The following ATP9B variants were observed in gnomAD, a reference collection of about 807,000 sequenced individuals.
The protein encoded by ATP9B is probable phospholipid-transporting ATPase IIB.
A neutral mutation model predicts 146.1 loss-of-function variants in ATP9B; 110 were observed. The observed-to-expected ratio is 0.75, with a 90% CI of 0.65 to 0.88. The LOEUF (loss-of-function observed/expected upper bound fraction) is 0.88. Ranked by LOEUF, ATP9B falls within the 40% of genes least tolerant of loss-of-function variation. The probability of loss-of-function intolerance (pLI) is 0.00; values close to 1 mark genes in which losing one functional copy is unlikely to be tolerated. For synonymous variants in ATP9B, 604 were observed against 569.7 expected (o/e 1.06, Z -0.86); for missense variants, 1,499 against 1,496.4 (o/e 1.00, Z -0.03).
At chr18:79,131,160 C>G (rs74620001) in intron 5 of ATP9B, among the ~76,000 whole-genome samples, 2 of 143,436 alleles carry the variant, frequency 1.4e-5, no homozygotes, top group African/African-American at 5.1e-5. Context: ...GACTCCGTCT[C>G]AAAAAAAAAA....
chr18:79,086,149 G>C (rs2073803072), intron 1 of ATP9B: 1 of 151,874 alleles, frequency 6.6e-6, no homozygotes, highest in African/African-American at 2.4e-5. Context: ...CCTTTAAAAG[G>C]CATCCGTAGG....
chr18:79,142,641 C>T (rs1388938567), intron 5 of ATP9B, among the ~76,000 whole-genome samples: 2 of 152,170 alleles, frequency 1.3e-5, no homozygotes, highest in Non-Finnish European at 2.9e-5. Context: ...GATTTTAAAG[C>T]TCAGTTAAGA....
intron 25 of ATP9B, among the ~76,000 whole-genome samples, chr18:79,349,470 C>T (rs918676135): frequency 4.6e-5 from 7 of 152,210 alleles, no homozygotes; most frequent in Non-Finnish European, 1.0e-4. Flanking sequence ...GGTGCTGCTC[C>T]TCACCGTCAC....
At chr18:79,245,769 C>T (rs1458115323) in intron 11 of ATP9B, among the ~76,000 whole-genome samples, 1 of 145,972 alleles carries the variant, frequency 6.9e-6, no homozygotes. Flanking sequence ...CACCGCCCTA[C>T]TGACTGAGGA....
intron 6 of ATP9B, among the ~76,000 whole-genome samples, chr18:79,153,260 A>C (rs529784475): frequency 2.6e-5 from 4 of 152,204 alleles, no homozygotes; most frequent in Admixed American, 2.6e-4. Flanking sequence ...ACAATTATAT[A>C]TTTTTTCTTT....
chr18:79,194,719 A>T (rs991269683), intron 9 of ATP9B: 31 of 152,222 alleles, frequency 2.0e-4, no homozygotes, highest in Admixed American at 8.5e-4. Flanking sequence ...AGAGAGTTTA[A>T]TCTGTAGCTC....
chr18:79,247,800 C>T (rs1400834844), intron 11 of ATP9B, among the ~76,000 whole-genome samples: 1 of 152,056 alleles, frequency 6.6e-6, no homozygotes, highest in Admixed American at 6.6e-5. Flanking sequence ...CAAGGGAAAA[C>T]ATTTTATATA....
intron 1 of ATP9B, among the ~76,000 whole-genome samples, chr18:79,070,212 T>C (rs1347252799): frequency 6.6e-6 from 1 of 152,244 alleles, no homozygotes; most frequent in Non-Finnish European, 1.5e-5. Context: ...TTAAAAAGTG[T>C]TGCTTCTTAT....
At chr18:79,213,102 T>C (rs1389457187) in intron 10 of ATP9B, among the ~76,000 whole-genome samples, 1 of 152,180 alleles carries the variant, frequency 6.6e-6, no homozygotes, top group African/African-American at 2.4e-5. Context: ...TAATGTGACA[T>C]CAGAGTTTTC....
At chr18:79,286,063 C>T (rs1378680628) in intron 13 of ATP9B, among the ~76,000 whole-genome samples, 1 of 151,528 alleles carries the variant, frequency 6.6e-6, no homozygotes, top group African/African-American at 2.4e-5. Context: ...ATGCCTCCAG[C>T]TTTGTTCTTT....
At chr18:79,290,731 G>T (rs958729041) in intron 13 of ATP9B, among the ~76,000 whole-genome samples, 1 of 152,242 alleles carries the variant, frequency 6.6e-6, no homozygotes, top group Non-Finnish European at 1.5e-5. Context: ...GCTGTAGACT[G>T]GAGCTGTTCC....
At chr18:79,309,581 G>C (rs1219677248) in intron 15 of ATP9B, among the ~76,000 whole-genome samples, 15 of 135,998 alleles carry the variant, frequency 1.1e-4, no homozygotes, top group East Asian at 2.3e-4. Context: ...GGGCTGAGGA[G>C]TGATCCCCAG....
chr18:79,133,438 A>G (rs1050678168), intron 5 of ATP9B, among the ~76,000 whole-genome samples: 1 of 151,822 alleles, frequency 6.6e-6, no homozygotes, highest in Admixed American at 6.6e-5. Flanking sequence ...ATTTTTTATT[A>G]TTAGTTCTCT....
At chr18:79,278,428 C>T (rs1237701936) in intron 13 of ATP9B, among the ~76,000 whole-genome samples, 1 of 152,152 alleles carries the variant, frequency 6.6e-6, no homozygotes, top group East Asian at 1.9e-4. Context: ...TTTGTGTTAG[C>T]TGATTTTGCC....
At chr18:79,203,132 C>G (rs1267354913) in intron 9 of ATP9B, among the ~76,000 whole-genome samples, 5 of 152,206 alleles carry the variant, frequency 3.3e-5, no homozygotes. Flanking sequence ...GAGCAGGTGC[C>G]TGATGCCTCA....
At chr18:79,182,009 T>C (rs752185053) in intron 8 of ATP9B, among the ~76,000 whole-genome samples, 16 of 152,228 alleles carry the variant, frequency 1.1e-4, no homozygotes, top group Non-Finnish European at 1.8e-4. Flanking sequence ...GTCTGAGATT[T>C]TCATTTCTAT....
chr18:79,267,991 T>G (rs1221090213), intron 12 of ATP9B, among the ~76,000 whole-genome samples: 1 of 152,118 alleles, frequency 6.6e-6, no homozygotes, highest in African/African-American at 2.4e-5. Context: ...TGGAATTCTG[T>G]TTATTTTTAG....
At chr18:79,086,435 C>CAAAAAAAAAAAAAA (rs56268434) in intron 1 of ATP9B, 4 of 63,458 alleles carry the variant, frequency 6.3e-5, no homozygotes, top group African/African-American at 1.4e-4. Flanking sequence ...GGCTCTATCT[C>CAAAAAAAAAAAAAA]AAAAAAAAAA....
At chr18:79,113,379 G>C in intron 4 of ATP9B, 25 bp downstream of exon 4, 1 of 1,301,758 alleles carries the variant, frequency 7.7e-7, no homozygotes, top group Non-Finnish European at 1.1e-6. Context: ...TAAAAATTAA[G>C]TTAAATTATG....
Sources: allele counts gnomAD v4.1 joint callset (sites outside exome capture counted in the v4.1 genomes callset), GRCh38; gene constraint gnomAD v4.1.1; transcripts MANE v1.5; gene names NCBI Gene and HGNC (gene_info 2026-07-23, HGNC 2026-07-21).